CACNA1A: variants seen among roughly 807,000 people sequenced by gnomAD.
CACNA1A encodes calcium voltage-gated channel subunit alpha1 A.
Under a neutral mutation model 262.4 loss-of-function variants are expected in CACNA1A, and 57 were observed. The observed-to-expected ratio is 0.22, with a 90% CI of 0.18 to 0.27. The LOEUF (loss-of-function observed/expected upper bound fraction) is 0.27, where lower values mean the gene tolerates loss of function less well. CACNA1A is among the 10% of genes least tolerant of loss of function. The pLI, the probability that CACNA1A is intolerant of heterozygous loss-of-function variation, is 1.00. For synonymous variants in CACNA1A, 1,431 were observed against 1,419.3 expected (o/e 1.01, Z -0.18); for missense variants, 2,526 against 3,562.8 (o/e 0.71, Z 7.41).
At chr19:13,293,705 C>T (rs1392801963) in intron 19 of CACNA1A, among the ~76,000 whole-genome samples, 1 of 151,050 alleles carries the variant, frequency 6.6e-6, no homozygotes, top group Admixed American at 6.6e-5. Flanking sequence ...ATCCGCTCAC[C>T]TCGGCCTCCC....
chr19:13,244,848 T>A, intron 31 of CACNA1A: 1 of 290,890 alleles, frequency 3.4e-6, no homozygotes, highest in East Asian at 6.2e-5. Flanking sequence ...GGGTGGTGTT[T>A]GGGAGCCGGC....
chr19:13,294,836 A>C (rs1041510196), intron 19 of CACNA1A, among the ~76,000 whole-genome samples: 4 of 152,054 alleles, frequency 2.6e-5, no homozygotes, highest in African/African-American at 9.7e-5. Flanking sequence ...TGCTGTGGTA[A>C]ACACTTTATT....
Position 13,207,326 on chromosome 19 carries a change from T to C in CACNA1A, c.7508A>G (p.Asp2503Gly). 1 of 1,560,112 alleles carries C rather than the reference T, an allele frequency of 6.4e-7. No homozygotes were observed. The highest frequency in any genetic ancestry group is 1.2e-5 in the South Asian group (1 of 86,926). ...GLHEPYSESD[D>G]DWC ...CCTCGCCCGGGCTTAGCACCAATCA[T>C]CGTCACTCTCGCTGTAGGGTTCGTG... The change falls in exon 47 of 47, where the codon GAT becomes GGT. Residue 2503 changes from aspartate (D) to glycine (G), a missense_variant. By Grantham distance (94) the Asp-to-Gly change is moderately conservative. Transcript: ENST00000360228. The surrounding 1 kb of genome is among the most constrained non-coding windows in gnomAD (Gnocchi z 5.7).
chr19:13,249,087 G>A (rs2056328136), intron 30 of CACNA1A, among the ~76,000 whole-genome samples: 1 of 152,112 alleles, frequency 6.6e-6, no homozygotes, highest in Non-Finnish European at 1.5e-5. Flanking sequence ...TCCTGCCTTC[G>A]CCTAAGTAGT....
intron 1 of CACNA1A, among the ~76,000 whole-genome samples, chr19:13,492,917 G>A (rs7250452): frequency 0.54 from 82,403 of 151,760 alleles, 23,276 homozygotes; most frequent in South Asian, 0.63. Context: ...TCTCCTGTAC[G>A]TTCCTAAGGG....
In CACNA1A at chr19:13,308,759, ACT is replaced by A. The variant is rs2057958201; in HGVS notation, c.1669-233_1669-232del. ...TGGCGCAATCATAGCTCACTGCAGC[ACT>A]GTCCTCCTGGGCTTAAGTGATCCTC... On this transcript the variant is annotated intron_variant, in intron 12 of 46. Coordinates refer to ENST00000360228, the MANE Select transcript of CACNA1A (RefSeq NM_001127222.2). The surrounding 1 kb of genome is among the most constrained non-coding windows in gnomAD (Gnocchi z 4.2). The A allele has an allele frequency of 2.6e-6, 1 of 392,126 alleles. No individual in the cohort carries two copies. Among genetic ancestry groups the A allele is most frequent in the Admixed American group, 4.1e-5 (1 of 24,232 alleles). The allele number at this position is 392,126 out of a possible 1,614,324, so 24.3% of individuals were successfully genotyped here.
intron 4 of CACNA1A, chr19:13,371,219 A>T (rs1202838948): frequency 6.4e-6 from 1 of 156,008 alleles, no homozygotes; most frequent in Non-Finnish European, 1.4e-5. Flanking sequence ...AGTGCCCTGC[A>T]CGCAGCAGGC....
intron 38 of CACNA1A, among the ~76,000 whole-genome samples, chr19:13,215,909 A>AGTTTTG (rs1297998577): frequency 9.2e-5 from 14 of 152,008 alleles, no homozygotes; most frequent in Non-Finnish European, 1.2e-4. Flanking sequence ...CAACAGAGGA[A>AGTTTTG]GTTTTGGTTT....
chr19:13,317,869 CAGGATACATT>C (rs1194070832), intron 10 of CACNA1A, among the ~76,000 whole-genome samples: 4 of 152,146 alleles, frequency 2.6e-5, no homozygotes, highest in Non-Finnish European at 5.9e-5. Context: ...TCCAGGGGCT[CAGGATACATT>C]AGGCAACAGA....
At chr19:13,415,095 G>A (rs1177260968) in intron 3 of CACNA1A, among the ~76,000 whole-genome samples, 1 of 152,078 alleles carries the variant, frequency 6.6e-6, no homozygotes, top group Non-Finnish European at 1.5e-5. Flanking sequence ...GGGATGAGGA[G>A]GGCATAGGAG....
chr19:13,299,058 T>C lies in CACNA1A; in HGVS notation c.2575A>G (p.Arg859Gly). 2 of 1,605,710 alleles carry C rather than the reference T, an allele frequency of 1.2e-6. No individual in the cohort carries two copies. Among genetic ancestry groups the C allele is most frequent in the Non-Finnish European group, 1.7e-6 (2 of 1,178,818 alleles). The change falls in exon 19 of 47, where the codon AGG becomes GGG. Residue 859 changes from arginine to glycine, a missense_variant. Around this residue, in one of 17 missense-constraint regions of CACNA1A, gnomAD observed 765 missense variants for 748.6 expected, o/e 1.02. Transcript: ENST00000360228. ...CGATCGTGGTAGCGGGCCTGTTTCC[T>C]GAGGAAGTCCTCGGCGCGCTGCTGG... ...LGQQRAEDFL[R>G]KQARYHDRAR...
chr19:13,456,837 C>T (rs1449032588), intron 1 of CACNA1A, among the ~76,000 whole-genome samples: 1 of 152,006 alleles, frequency 6.6e-6, no homozygotes, highest in African/African-American at 2.4e-5. Context: ...CAAATCAAAC[C>T]CCAACGGGAT....
At chr19:13,353,576 G>A (rs1041259426) in intron 6 of CACNA1A, among the ~76,000 whole-genome samples, 1 of 152,122 alleles carries the variant, frequency 6.6e-6, no homozygotes, top group Non-Finnish European at 1.5e-5. Context: ...GCTTTCAATT[G>A]CTTCCAGTTT....
At chr19:13,237,350 C>A (rs771138559) in intron 31 of CACNA1A, among the ~76,000 whole-genome samples, 1 of 152,110 alleles carries the variant, frequency 6.6e-6, no homozygotes, top group Non-Finnish European at 1.5e-5. Context: ...CTACAGGCCA[C>A]GTAGCAAGAT....
chr19:13,391,106 C>T (rs912585914), intron 3 of CACNA1A, among the ~76,000 whole-genome samples: 1 of 152,160 alleles, frequency 6.6e-6, no homozygotes, highest in Middle Eastern at 3.4e-3. Context: ...AAGATGGTCT[C>T]GATCTCCTGA....
At chr19:13,229,847 G>A (rs1256764167) in intron 36 of CACNA1A, 3 of 423,800 alleles carry the variant, frequency 7.1e-6, no homozygotes, top group South Asian at 5.9e-5. Flanking sequence ...CATGGTTGAC[G>A]CCCTCCCTCA....
At chr19:13,325,077 T>TTCC (rs1555765153) in intron 10 of CACNA1A, among the ~76,000 whole-genome samples, 8 of 124,392 alleles carry the variant, frequency 6.4e-5, no homozygotes, top group South Asian at 3.3e-4. Flanking sequence ...CCTCCTCTTC[T>TTCC]TCTTCCCCTT....
At chr19:13,292,094 G>A (rs140967680) in intron 19 of CACNA1A, among the ~76,000 whole-genome samples, 1 of 152,312 alleles carries the variant, frequency 6.6e-6, no homozygotes, top group African/African-American at 2.4e-5. Flanking sequence ...AGAGGCAGAA[G>A]CTCTGTCCTC....
chr19:13,223,890 G>T (rs1253826236), intron 38 of CACNA1A, among the ~76,000 whole-genome samples: 1 of 152,202 alleles, frequency 6.6e-6, no homozygotes, highest in East Asian at 1.9e-4. Context: ...AATGGGCCGG[G>T]TGTGGTGGCT....
Sources: allele counts gnomAD v4.1 joint callset (sites outside exome capture counted in the v4.1 genomes callset), GRCh38; gene constraint gnomAD v4.1.1; regional missense constraint gnomAD v4.1.1; non-coding constraint Gnocchi (gnomAD v3.1); transcripts MANE v1.5; gene names NCBI Gene and HGNC (gene_info 2026-07-23, HGNC 2026-07-21).